The following ABCA1 variants were observed in gnomAD, a reference collection of about 807,000 sequenced individuals.
The protein encoded by ABCA1 is phospholipid-transporting ATPase ABCA1.
In ABCA1, 133 loss-of-function variants were observed where a neutral mutation model predicts 262.5. That is an observed-to-expected ratio of 0.51 (90% CI 0.44 to 0.59). The LOEUF (loss-of-function observed/expected upper bound fraction) is 0.59, where lower values mean the gene tolerates loss of function less well. ABCA1 is among the 20% of genes least tolerant of loss of function. The pLI is 0.00. For synonymous variants in ABCA1, 1,022 were observed against 1,043.5 expected, an observed-to-expected ratio of 0.98 and a Z score of 0.40; for missense variants, 2,452 against 2,777.5, an observed-to-expected ratio of 0.88 and a Z score of 2.63.
intron 18 of ABCA1, among the ~76,000 whole-genome samples, chr9:104,824,125 T>A (rs1325206026): frequency 6.6e-6 from 1 of 152,218 alleles, no homozygotes; most frequent in South Asian, 2.1e-4. Context: ...GCAGCGAGGC[T>A]ATGGTTCCAC....
chr9:104,893,104 TGGC>T (rs1564262903), intron 2 of ABCA1, among the ~76,000 whole-genome samples: 4 of 152,154 alleles, frequency 2.6e-5, no homozygotes, highest in South Asian at 2.1e-4. Context: ...TCCTTTTAAA[TGGC>T]ATGACTGTAA....
chr9:104,883,976 T>C (rs1033253634), intron 4 of ABCA1, among the ~76,000 whole-genome samples: 6 of 152,170 alleles, frequency 3.9e-5, no homozygotes, highest in African/African-American at 1.4e-4. Context: ...CATTGTAGTC[T>C]GATGGGGCAG....
chr9:104,907,621 G>A (rs13283308), intron 1 of ABCA1, among the ~76,000 whole-genome samples: 110 of 152,326 alleles, frequency 7.2e-4, no homozygotes, highest in Non-Finnish European at 1.4e-3. Context: ...CAAAGAGGGA[G>A]CTCTGTGTTC....
intron 6 of ABCA1, among the ~76,000 whole-genome samples, chr9:104,859,298 T>C (rs1836135529): frequency 6.6e-6 from 1 of 152,238 alleles, no homozygotes; most frequent in Admixed American, 6.5e-5. Context: ...ATCTTTTCTT[T>C]ATACCAAACC....
chr9:104,871,954 G>A (rs189741037), intron 5 of ABCA1, among the ~76,000 whole-genome samples: 39 of 152,222 alleles, frequency 2.6e-4, no homozygotes, highest in African/African-American at 7.9e-4. Flanking sequence ...CAAAAAGAAC[G>A]GAAAAAGATG....
intron 1 of ABCA1, among the ~76,000 whole-genome samples, chr9:104,912,557 A>G (rs1347749896): frequency 6.6e-6 from 1 of 152,206 alleles, no homozygotes; most frequent in Non-Finnish European, 1.5e-5. Context: ...CACAAGAGCC[A>G]GGATTTCTGA....
At position 104,840,357 on chromosome 9, in the gene ABCA1, C is replaced by T; in HGVS notation, c.976G>A (p.Glu326Lys). The T allele has an allele frequency of 1.9e-6, 3 of 1,614,198 alleles. No homozygotes were observed. Among genetic ancestry groups the T allele is most frequent in the South Asian group, 1.1e-5 (1 of 91,078 alleles). ...GLKIKSLNWY[E>K]DNNYKALFGG... ...AAGAGGGCTTTGTAGTTGTTGTCCT[C>T]ATACCAGTTGAGAGACTTGATCTTC... Residue 326 changes from glutamate to lysine, a missense_variant, in exon 9 of 50, where the codon GAG becomes AAG. Physicochemically the swap from Glu to Lys is moderately conservative, Grantham distance 56. This residue lies in a region of ABCA1 where 1,032 missense variants were observed against 1,089.7 expected (regional missense o/e 0.95). Coordinates refer to ENST00000374736, the MANE Select transcript of ABCA1 (RefSeq NM_005502.4).
At chr9:104,833,393 G>A (rs1456725082) in intron 11 of ABCA1, among the ~76,000 whole-genome samples, 4 of 152,072 alleles carry the variant, frequency 2.6e-5, no homozygotes, top group Non-Finnish European at 5.9e-5. Context: ...TGTTGCCTGG[G>A]CTGGTCTTGA....
intron 31 of ABCA1, 121 bp downstream of exon 31, chr9:104,806,120 A>C (rs772297378): frequency 3.2e-5 from 37 of 1,165,952 alleles, no homozygotes; most frequent in Non-Finnish European, 4.4e-5. Context: ...AAAAAACAAA[A>C]AACAAAAAAG....
At chr9:104,867,867 C>T (rs147378749) in intron 5 of ABCA1, among the ~76,000 whole-genome samples, 1 of 152,200 alleles carries the variant, frequency 6.6e-6, no homozygotes, top group African/African-American at 2.4e-5. Flanking sequence ...TGAGTTAATG[C>T]GGACCTGGAT....
Position 104,824,648 on chromosome 9 carries a change from TC to T in ABCA1, c.2543-71del, listed in dbSNP as rs1465241627. The T allele has an allele frequency of 1.9e-6, 3 of 1,539,802 alleles. No individual in the cohort carries two copies. In the East Asian group the frequency reaches 6.8e-5, roughly 35 times the overall value. ...GTATTCTGAGGGTTTCCCAGCCAGGTCCATTTCCTCCTTGACACATCCTTTG... is the reference window on the plus strand; with the variant it reads ...GTATTCTGAGGGTTTCCCAGCCAGGTCATTTCCTCCTTGACACATCCTTTG... On this transcript the variant is annotated intron_variant, in intron 17 of 49. Transcript: ENST00000374736.
At position 104,858,578 on chromosome 9, in the gene ABCA1, G is replaced by T. The variant is rs778130619; in HGVS notation, c.664C>A (p.Leu222Met). 6.2e-7 allele frequency: 1 copy of T among 1,614,176 alleles called. No homozygotes were observed. Among genetic ancestry groups the T allele is most frequent in the Admixed American group, 1.7e-5 (1 of 60,010 alleles). The change falls in exon 7 of 50, where the codon CTG (leucine) becomes ATG (methionine). Residue 222 changes from leucine (L) to methionine (M), a missense_variant. Around this residue, in one of 4 missense-constraint regions of ABCA1, gnomAD observed 1,032 missense variants for 1,089.7 expected, o/e 0.95. Transcript: ENST00000374736. The part of the protein sequence containing the change: ...SELCGLPREK[L>M]AAAERVLRSN... ...CGAAGTACTCGCTCTGCTGCAGCCA[G>T]TTTCTCCCTTGGTAGGCCACAAAGC...
intron 8 of ABCA1, among the ~76,000 whole-genome samples, chr9:104,842,648 G>A (rs1834483508): frequency 2.6e-5 from 4 of 152,124 alleles, no homozygotes; most frequent in Admixed American, 2.6e-4. Context: ...TTAGCCCACG[G>A]ATGATGGTGG....
chr9:104,812,494 T>C (rs1424725313), intron 28 of ABCA1, 80 bp downstream of exon 28: 1 of 1,576,052 alleles, frequency 6.3e-7, no homozygotes, highest in Non-Finnish European at 8.7e-7. Context: ...TTGACCAGGA[T>C]GCTATCCTGC....
At chr9:104,831,913 G>A in intron 12 of ABCA1, 86 bp from the exon 13 acceptor site, 1 of 1,199,174 alleles carries the variant, frequency 8.3e-7, no homozygotes, top group Non-Finnish European at 1.2e-6. Context: ...GGAGGCAAGG[G>A]CTGACTACAC....
At chr9:104,818,345 A>G (rs1468408264) in intron 23 of ABCA1, among the ~76,000 whole-genome samples, 1 of 152,192 alleles carries the variant, frequency 6.6e-6, no homozygotes, top group Non-Finnish European at 1.5e-5. Context: ...CAGGAACACC[A>G]GGTCATTTGT....
intron 1 of ABCA1, among the ~76,000 whole-genome samples, chr9:104,906,846 A>G (rs1841183196): frequency 6.6e-6 from 1 of 151,638 alleles, no homozygotes; most frequent in Admixed American, 6.6e-5. Flanking sequence ...CCTCATACAC[A>G]TTTCCAGTTA....
chr9:104,894,195 T>A (rs1840009181), intron 2 of ABCA1, among the ~76,000 whole-genome samples: 2 of 152,342 alleles, frequency 1.3e-5, no homozygotes, highest in South Asian at 4.1e-4. Context: ...ACCTAGCACT[T>A]GCCAGCCCTG....
Position 104,831,538 on chromosome 9 carries a change from TTAAAA to T in ABCA1, c.1715+79_1715+83del, listed in dbSNP as rs372334883. The T allele has an allele frequency of 1.6e-4, 193 of 1,170,664 alleles. No homozygotes were observed. In the African/African-American group the frequency reaches 2.7e-3, roughly 16 times the overall value. The allele number at this position is 1,170,664 out of a possible 1,614,324, so 72.5% of individuals were successfully genotyped here. A position where few individuals can be genotyped will look rare whatever the true frequency, so the allele number is the denominator to read the frequency against. On this transcript the variant is annotated intron_variant, in intron 13 of 49. Transcript: ENST00000374736. ...GTTGAAATTTCTACCAAATTTTTAG[TTAAAA>T]TAAAGTACCTCTTGTCCTAATATAA...
Sources: allele counts gnomAD v4.1 joint callset (sites outside exome capture counted in the v4.1 genomes callset), GRCh38; gene constraint gnomAD v4.1.1; regional missense constraint gnomAD v4.1.1; transcripts MANE v1.5; gene names NCBI Gene and HGNC (gene_info 2026-07-23, HGNC 2026-07-21).